Variants in GXYLT2 observed in about 807,000 individuals in gnomAD.
The protein encoded by GXYLT2 is glycosyltransferase 8 domain containing 4.
Under a neutral mutation model 45.8 loss-of-function variants are expected in GXYLT2, and 53 were observed. The ratio of observed to expected loss-of-function variants is 1.16; its 90% confidence interval spans 0.93 to 1.46. GXYLT2 has a LOEUF of 1.46. Among genes scored for constraint, GXYLT2 ranks in the 40% most tolerant of loss-of-function variants. GXYLT2 has a pLI of 0.00. For missense variants in GXYLT2, 551 were observed against 544.4 expected (o/e 1.01, Z -0.12); for synonymous variants, 219 against 214.2 (o/e 1.02, Z -0.19).
chr3:72,944,324 A>G (rs1403440071), intron 3 of GXYLT2, among the ~76,000 whole-genome samples: 4 of 149,642 alleles, frequency 2.7e-5, no homozygotes, highest in Non-Finnish European at 5.9e-5. Flanking sequence ...ACACAATCTC[A>G]GTTTACTGCA....
intron 3 of GXYLT2, chr3:72,929,053 G>C: frequency 6.3e-7 from 1 of 1,577,262 alleles, no homozygotes; most frequent in Non-Finnish European, 8.6e-7. Flanking sequence ...TGACGACCGC[G>C]TCCACCTCGC....
At chr3:72,974,351 G>T (rs933772078) in intron 6 of GXYLT2, among the ~76,000 whole-genome samples, 1 of 152,110 alleles carries the variant, frequency 6.6e-6, no homozygotes, top group Non-Finnish European at 1.5e-5. Context: ...TTAAAATCTG[G>T]TTTATTGCCA....
intron 1 of GXYLT2, among the ~76,000 whole-genome samples, chr3:72,891,993 A>T (rs1022516702): frequency 6.6e-6 from 1 of 151,844 alleles, no homozygotes; most frequent in African/African-American, 2.4e-5. Context: ...GCTTCTGAAA[A>T]CTCCTCCTTG....
Position 72,908,553 on chromosome 3 carries a change from T to A in GXYLT2, c.462T>A (p.Asp154Glu), listed in dbSNP as rs1433984288. The A allele has an allele frequency of 1.9e-6, 3 of 1,609,216 alleles. No homozygotes were observed. In the African/African-American group the frequency reaches 4.1e-5, roughly 22 times the overall value. Residue 154 changes from aspartate to glutamate, a missense_variant, in exon 2 of 7, where the codon GAT (aspartate) becomes GAA (glutamate). Asp to Glu is a conservative substitution (Grantham distance 45). Coordinates refer to ENST00000389617, the MANE Select transcript of GXYLT2 (RefSeq NM_001080393.2). The stretch of plus-strand genomic sequence containing the variant: ...AAGACTCTCTGAAGCCCGAGTTTGA[T>A]AAGCAGGTGAATTTGCAGAAATCAT... ...FTEDSLKPEF[D>E]KQLRQWPDSY...
intron 3 of GXYLT2, among the ~76,000 whole-genome samples, chr3:72,944,944 T>C (rs1056848649): frequency 2.0e-5 from 3 of 152,104 alleles, no homozygotes; most frequent in African/African-American, 7.2e-5. Context: ...ATTCCCGTGA[T>C]TGGCAATGCA....
intron 6 of GXYLT2, among the ~76,000 whole-genome samples, chr3:72,970,779 T>C (rs1710974266): frequency 6.6e-6 from 1 of 152,000 alleles, no homozygotes; most frequent in African/African-American, 2.4e-5. Flanking sequence ...GGAGAATCAC[T>C]TGAACCTGGG....
chr3:72,958,973 C>T, intron 5 of GXYLT2, among the ~76,000 whole-genome samples: 1 of 146,088 alleles, frequency 6.8e-6, no homozygotes. Flanking sequence ...GATGAAGTTT[C>T]ACTCTGTCTT....
intron 3 of GXYLT2, among the ~76,000 whole-genome samples, chr3:72,922,994 C>T (rs1709856320): frequency 6.6e-6 from 1 of 152,018 alleles, no homozygotes; most frequent in African/African-American, 2.4e-5. Flanking sequence ...TTGGCTTAGA[C>T]CTATAATCCC....
At chr3:72,902,722 C>T (rs182724947) in intron 1 of GXYLT2, among the ~76,000 whole-genome samples, 1,250 of 80,372 alleles carry the variant, frequency 0.016, 28 homozygotes, top group African/African-American at 0.046. Flanking sequence ...TGCGGTGGCT[C>T]ATGCCTGTAC....
chr3:72,936,186 C>T (rs1269004487), intron 3 of GXYLT2, among the ~76,000 whole-genome samples: 1 of 151,474 alleles, frequency 6.6e-6, no homozygotes, highest in Non-Finnish European at 1.5e-5. Flanking sequence ...AGCTATTTCC[C>T]GAGGCTGAGG....
At chr3:72,947,521 C>T (rs901786773) in intron 3 of GXYLT2, among the ~76,000 whole-genome samples, 9 of 152,060 alleles carry the variant, frequency 5.9e-5, no homozygotes, top group South Asian at 4.1e-4. Flanking sequence ...CAGTGAAGAC[C>T]GGGCACAGTG....
intron 2 of GXYLT2, among the ~76,000 whole-genome samples, chr3:72,909,585 T>G (rs970027023): frequency 6.6e-6 from 1 of 152,170 alleles, no homozygotes; most frequent in Non-Finnish European, 1.5e-5. Flanking sequence ...TCTTACCTCA[T>G]TCTTTTTGGT....
intron 1 of GXYLT2, among the ~76,000 whole-genome samples, chr3:72,888,799 A>G (rs1369131493): frequency 6.6e-6 from 1 of 152,180 alleles, no homozygotes; most frequent in African/African-American, 2.4e-5. Context: ...TCTTGCAAAC[A>G]TGCACCCTTT....
At chr3:72,917,229 A>G (rs1212890675) in intron 2 of GXYLT2, among the ~76,000 whole-genome samples, 2 of 151,902 alleles carry the variant, frequency 1.3e-5, no homozygotes, top group African/African-American at 4.8e-5. Context: ...GAGCTAAGGG[A>G]GCCCGTGAAC....
In GXYLT2 at chr3:72,888,429, G is replaced by C. The variant is rs1709109531; in HGVS notation, c.196G>C (p.Gly66Arg). ...GGGCGCCCTCCCCGGGGCCAGCCCG[G>C]GAGTTCGGAGGCGCCGGCCCCCGCG... ...GPGALPGASP[G>R]VRRRRPPRPR... is the part of the protein sequence containing the mutation. Residue 66 changes from glycine (G) to arginine (R), a missense_variant, in exon 1 of 7, where the codon GGA becomes CGA. Transcript: ENST00000389617. 9 of 1,134,946 alleles carry C rather than the reference G, an allele frequency of 7.9e-6. No homozygotes were observed. Among genetic ancestry groups the C allele is most frequent in the Non-Finnish European group, 9.7e-6 (9 of 925,300 alleles). The allele number at this position is 1,134,946 out of a possible 1,614,324, so 70.3% of individuals were successfully genotyped here.
rs76048198 is a variant in GXYLT2, at chr3:72,903,731, G to C, written c.276-4636G>C. The stretch of plus-strand genomic sequence containing the variant: ...AAGGGTCATAGCAGTGAGCAACAAG[G>C]AGGGAATGGGTTCAGTGGGCATTTC... On this transcript the variant is annotated intron_variant, in intron 1 of 6. Coordinates refer to ENST00000389617, the MANE Select transcript of GXYLT2 (RefSeq NM_001080393.2). Among the ~76,000 whole-genome samples the C allele has an allele frequency of 2.9e-3, 449 of 152,322 alleles. 1 individual carries two copies. The highest frequency in any genetic ancestry group is 0.01 in the African/African-American group (420 of 41,566).
chr3:72,960,988 C>T (rs1242854788), intron 5 of GXYLT2, among the ~76,000 whole-genome samples: 1 of 152,126 alleles, frequency 6.6e-6, no homozygotes, highest in Non-Finnish European at 1.5e-5. Flanking sequence ...CTGATAACAC[C>T]GCTTTTTAAA....
chr3:72,896,628 C>G (rs187929505), intron 1 of GXYLT2, among the ~76,000 whole-genome samples: 7 of 152,112 alleles, frequency 4.6e-5, no homozygotes, highest in African/African-American at 1.4e-4. Context: ...GCGGGCAGAT[C>G]GCTTGAGATC....
chr3:72,917,224 A>G (rs1443441532), intron 2 of GXYLT2, among the ~76,000 whole-genome samples: 1 of 152,064 alleles, frequency 6.6e-6, no homozygotes, highest in Non-Finnish European at 1.5e-5. Flanking sequence ...GCCGAGAGCT[A>G]AGGGAGCCCG....
Sources: gnomAD v4.1 joint callset for allele counts (sites outside exome capture counted in the v4.1 genomes callset) on GRCh38, gnomAD v4.1.1 for gene constraint, MANE v1.5 for transcripts, NCBI Gene and HGNC (gene_info 2026-07-23, HGNC 2026-07-21) for gene names.